CDKAL1: variants seen among roughly 807,000 people sequenced by gnomAD.
CDKAL1 encodes the protein threonylcarbamoyladenosine tRNA methylthiotransferase.
Under a neutral mutation model 68.2 loss-of-function variants are expected in CDKAL1, and 32 were observed. The ratio of observed to expected loss-of-function variants is 0.47; its 90% confidence interval spans 0.35 to 0.63. The LOEUF is 0.63. CDKAL1 is among the 30% of genes least tolerant of loss of function. CDKAL1 has a pLI of 0.00. For synonymous variants in CDKAL1, 234 were observed against 244.3 expected (o/e 0.96, Z 0.39); for missense variants, 606 against 696.7 (o/e 0.87, Z 1.47).
intron 13 of CDKAL1, among the ~76,000 whole-genome samples, chr6:21,166,347 G>A (rs1777151697): frequency 6.6e-6 from 1 of 152,146 alleles, no homozygotes; most frequent in African/African-American, 2.4e-5. Context: ...AAATGTTTCA[G>A]GTGATTAGAT....
At chr6:20,700,225 C>T (rs1562035640) in intron 5 of CDKAL1, among the ~76,000 whole-genome samples, 1 of 151,930 alleles carries the variant, frequency 6.6e-6, no homozygotes, top group Non-Finnish European at 1.5e-5. Flanking sequence ...CATGGTGGCA[C>T]ATGCCTGTAA....
At chr6:20,669,993 C>A (rs73732728) in intron 5 of CDKAL1, among the ~76,000 whole-genome samples, 14,029 of 152,132 alleles carry the variant, frequency 0.092, 2,072 homozygotes, top group African/African-American at 0.31. Context: ...AGGTTGTACT[C>A]TTCCCTTTGA....
At chr6:20,593,619 G>C (rs9366356) in intron 4 of CDKAL1, among the ~76,000 whole-genome samples, 1 of 106,584 alleles carries the variant, frequency 9.4e-6, no homozygotes, top group Non-Finnish European at 2.2e-5. Flanking sequence ...AAAAAAAAAA[G>C]AAACCCAGCT....
chr6:20,730,453 G>A, intron 5 of CDKAL1, among the ~76,000 whole-genome samples: 1 of 144,120 alleles, frequency 6.9e-6, no homozygotes, highest in African/African-American at 2.5e-5. Flanking sequence ...AGAAAAGAAA[G>A]AAAGGAAAGA....
At position 21,150,510 on chromosome 6, in the gene CDKAL1, A is replaced by G. The variant is rs375930578; in HGVS notation, c.1299+42047A>G. ...AATCTTCACCCTTAAAACCAAACCT[A>G]GTTGGGGCAATGAAGGCAAATATAG... On this transcript the variant is annotated intron_variant, in intron 13 of 15. Transcript: ENST00000274695. 2.8e-4 allele frequency among the ~76,000 whole-genome samples: 42 copies of G among 152,316 alleles called. 1 individual carries two copies. The South Asian group carries it at 3.3e-3, about 12-fold the overall frequency.
intron 5 of CDKAL1, among the ~76,000 whole-genome samples, chr6:20,681,481 G>C (rs957885620): frequency 6.6e-6 from 1 of 152,174 alleles, no homozygotes; most frequent in African/African-American, 2.4e-5. Flanking sequence ...TAGGGGGCAG[G>C]TATAAAAGCA....
At chr6:20,698,695 A>G (rs1771212420) in intron 5 of CDKAL1, among the ~76,000 whole-genome samples, 1 of 152,176 alleles carries the variant, frequency 6.6e-6, no homozygotes, top group Non-Finnish European at 1.5e-5. Flanking sequence ...GATACCTACT[A>G]AACAACTTTA....
intron 9 of CDKAL1, among the ~76,000 whole-genome samples, chr6:20,938,586 G>A (rs550046159): frequency 1.3e-4 from 20 of 151,658 alleles, no homozygotes; most frequent in East Asian, 5.8e-4. Flanking sequence ...TTTTTTTCTC[G>A]TTTTAAAGGG....
At chr6:20,634,229 A>G (rs1289400265) in intron 4 of CDKAL1, among the ~76,000 whole-genome samples, 1 of 152,200 alleles carries the variant, frequency 6.6e-6, no homozygotes, top group Non-Finnish European at 1.5e-5. Flanking sequence ...TTTTCAGTGT[A>G]TCACTTTTCA....
intron 10 of CDKAL1, among the ~76,000 whole-genome samples, chr6:20,991,980 T>G (rs1766837004): frequency 6.7e-6 from 1 of 150,314 alleles, no homozygotes; most frequent in African/African-American, 2.4e-5. Context: ...TTTTAAGAGA[T>G]TCTTAATTTA....
chr6:20,803,590 A>G (rs1488261726), intron 8 of CDKAL1, among the ~76,000 whole-genome samples: 1 of 152,156 alleles, frequency 6.6e-6, no homozygotes, highest in East Asian at 1.9e-4. Flanking sequence ...CAGCAATTCC[A>G]GGAGAGTTGT....
intron 7 of CDKAL1, among the ~76,000 whole-genome samples, chr6:20,760,092 A>G (rs1462429766): frequency 6.6e-6 from 1 of 152,006 alleles, no homozygotes; most frequent in Non-Finnish European, 1.5e-5. Flanking sequence ...TTATGAGAAT[A>G]TGAGAATGAG....
At chr6:20,982,307 C>G (rs945223559) in intron 10 of CDKAL1, among the ~76,000 whole-genome samples, 4 of 152,016 alleles carry the variant, frequency 2.6e-5, no homozygotes, top group Admixed American at 2.6e-4. Context: ...AATCTGCCTG[C>G]CTCAGCCTCC....
chr6:21,097,720 G>A (rs1241214231), intron 12 of CDKAL1, among the ~76,000 whole-genome samples: 2 of 152,178 alleles, frequency 1.3e-5, no homozygotes, highest in African/African-American at 4.8e-5. Context: ...GGAGAAAGGA[G>A]CAATCTTTAT....
At chr6:20,727,431 CA>C (rs1307986681) in intron 5 of CDKAL1, among the ~76,000 whole-genome samples, 1 of 152,054 alleles carries the variant, frequency 6.6e-6, no homozygotes, top group African/African-American at 2.4e-5. Flanking sequence ...CCCATCTTAA[CA>C]AAGGGAATGA....
chr6:20,636,496 A>T (rs1207586685), intron 4 of CDKAL1, among the ~76,000 whole-genome samples: 1 of 152,110 alleles, frequency 6.6e-6, no homozygotes, highest in African/African-American at 2.4e-5. Context: ...CATTCCAGTG[A>T]TGTTCTTAGG....
chr6:21,114,754 AAAAG>A (rs1562042965), intron 13 of CDKAL1, among the ~76,000 whole-genome samples: 1 of 152,190 alleles, frequency 6.6e-6, no homozygotes, highest in Non-Finnish European at 1.5e-5. Flanking sequence ...AAGAAAAAAG[AAAAG>A]AAAAGATAAA....
intron 12 of CDKAL1, among the ~76,000 whole-genome samples, chr6:21,095,543 C>G (rs987672234): frequency 3.9e-5 from 6 of 152,112 alleles, no homozygotes; most frequent in Non-Finnish European, 7.4e-5. Context: ...TCTGTAATTT[C>G]CTAGCCTCTT....
At chr6:21,217,894 A>G (rs936321173) in intron 15 of CDKAL1, among the ~76,000 whole-genome samples, 7 of 152,188 alleles carry the variant, frequency 4.6e-5, no homozygotes, top group African/African-American at 1.7e-4. Flanking sequence ...AAGTACTGGG[A>G]CCACAGGCAA....
Sources: gnomAD v4.1 joint callset for allele counts (sites outside exome capture counted in the v4.1 genomes callset) on GRCh38, gnomAD v4.1.1 for gene constraint, MANE v1.5 for transcripts, NCBI Gene and HGNC (gene_info 2026-07-23, HGNC 2026-07-21) for gene names.